Variants in RBCK1 observed in about 807,000 individuals in gnomAD.
RBCK1 encodes the protein RANBP2-type and C3HC4-type zinc finger containing 1, also known as ranBP-type and C3HC4-type zinc finger-containing protein 1.
RBCK1 carries 44 observed loss-of-function variants against 71.1 expected under a neutral mutation model. The ratio of observed to expected loss-of-function variants is 0.62; its 90% CI spans 0.49 to 0.80. The LOEUF (loss-of-function observed/expected upper bound fraction) is 0.80, where lower values mean the gene tolerates loss of function less well. RBCK1 is among the 30% of genes least tolerant of loss of function. The pLI is 0.00. For missense variants in RBCK1, 569 were observed against 685.0 expected (o/e 0.83, Z 1.89); for synonymous variants, 306 against 279.7 (o/e 1.09, Z -0.94).
At chr20:419,938 C>G in intron 6 of RBCK1, 1 of 984,998 alleles carries the variant, frequency 1.0e-6, no homozygotes, top group Non-Finnish European at 1.2e-6. Flanking sequence ...GGCTGAGACC[C>G]GCTCCCTGGC....
chr20:427,354 C>A lies in RBCK1; in HGVS notation c.1071C>A (p.Gly357=), dbSNP rs1334668672. 1 of 1,614,040 alleles carries A rather than the reference C, an allele frequency of 6.2e-7. No homozygotes were observed. ...ATTACCAGCGATTTCTAGACCTGGG[C>A]ATCTCCATTGCTGAAAACCGCAGTG... ...PEDYQRFLDL[G]ISIAENRSAF... Residue 357 remains glycine (G), a synonymous_variant, in exon 9 of 12, where the codon GGC becomes GGA. Transcript: ENST00000356286.
chr20:413,397 G>C (rs1407430664), intron 2 of RBCK1, among the ~76,000 whole-genome samples: 1 of 152,012 alleles, frequency 6.6e-6, no homozygotes, highest in African/African-American at 2.4e-5. Flanking sequence ...ACAAAATATT[G>C]AGATATCTAC....
rs768525416 is a variant in RBCK1, at chr20:426,816, CTTTTTTTT to C, written c.1030-476_1030-469del. On this transcript the variant is annotated intron_variant, in intron 8 of 11. Transcript: ENST00000356286. ...TCACTTTCTTTTTACTTTTCTTTTC[CTTTTTTTT>C]TTTTTTTTTTTTTTTTTTTTAGCTA... 6.8e-3 allele frequency among the ~76,000 whole-genome samples: 647 copies of C among 95,462 alleles called. 13 individuals are homozygous for C. The highest frequency in any genetic ancestry group is 0.067 in the East Asian group (235 of 3,532). The allele number at this position is 95,462 out of a possible 152,430, so 62.6% of individuals were successfully genotyped here.
At chr20:420,589 G>A (rs1207175256) in intron 6 of RBCK1, 10 of 963,616 alleles carry the variant, frequency 1.0e-5, no homozygotes, top group African/African-American at 3.9e-5. Context: ...CTACCTGGCC[G>A]GCCTCCCCTC....
chr20:408,693 G>A lies in RBCK1; in HGVS notation c.-65G>A, dbSNP rs2015514304. ...TCCTGGTCTCCCGCCTCTCCCAGGC[G>A]ACCCGGAGGTAGCATTTCCCAGGAG... On this transcript the variant is annotated 5_prime_UTR_variant, in exon 1 of 12. Coordinates refer to ENST00000356286, the MANE Select transcript of RBCK1 (RefSeq NM_031229.4). 1 of 1,600,338 alleles carries A rather than the reference G, an allele frequency of 6.2e-7. No individual in the cohort carries two copies. Among genetic ancestry groups the A allele is most frequent in the Non-Finnish European group, 8.5e-7 (1 of 1,174,478 alleles).
chr20:418,811 C>T (rs981264161), intron 4 of RBCK1, among the ~76,000 whole-genome samples: 6 of 152,178 alleles, frequency 3.9e-5, no homozygotes, highest in African/African-American at 9.7e-5. Context: ...CATTTTCTTA[C>T]ATTACTGGGT....
At chr20:419,863 GA>G (rs1568558483) in intron 6 of RBCK1, 132 bp downstream of exon 6, 1 of 383,890 alleles carries the variant, frequency 2.6e-6, no homozygotes, top group East Asian at 8.4e-5. Flanking sequence ...TGCTGGCAGT[GA>G]CCCTGCACCT....
intron 8 of RBCK1, among the ~76,000 whole-genome samples, chr20:425,494 C>A (rs1465462132): frequency 1.3e-5 from 2 of 152,062 alleles, no homozygotes; most frequent in African/African-American, 4.8e-5. Flanking sequence ...ATCGCTTTAG[C>A]TTTTGTTATT....
At chr20:412,320 TTTATC>T (rs940414443) in intron 2 of RBCK1, among the ~76,000 whole-genome samples, 1 of 149,086 alleles carries the variant, frequency 6.7e-6, no homozygotes, top group African/African-American at 2.5e-5. Context: ...TAAAATTGGG[TTTATC>T]TTTTTTTTTT....
rs757924227 is a variant in RBCK1, at chr20:428,592, G to A, written c.1308+3G>A. On this transcript the variant is annotated splice_donor_region_variant and intron_variant, in intron 10 of 11. Coordinates refer to ENST00000356286, the MANE Select transcript of RBCK1 (RefSeq NM_031229.4). This position sits in a 1 kb window ranked among gnomAD's most constrained non-coding sequence, Gnocchi z 5.7. The stretch of plus-strand genomic sequence containing the variant: ...GGCAGACGACAGAGATGCTGAAGGT[G>A]AGGCTGGGACAGGGCCGAGGCCTAG... The A allele has an allele frequency of 6.2e-6, 10 of 1,608,830 alleles. No individual in the cohort carries two copies. The Admixed American group carries it at 6.8e-5, about 11-fold the overall frequency.
chr20:418,154 G>A (rs914509847), intron 4 of RBCK1, among the ~76,000 whole-genome samples: 1 of 152,188 alleles, frequency 6.6e-6, no homozygotes, highest in African/African-American at 2.4e-5. Flanking sequence ...TCCAGGCTCC[G>A]GCATTCCCAG....
chr20:410,741 A>G, intron 2 of RBCK1: 1 of 506,700 alleles, frequency 2.0e-6, no homozygotes, highest in Non-Finnish European at 3.5e-6. Flanking sequence ...TGCACTCAAT[A>G]ATAAACATTA....
Position 428,614 on chromosome 20 carries a change from C to T in RBCK1, c.1308+25C>T, listed in dbSNP as rs770406471. 9 of 1,583,314 alleles carry T rather than the reference C, an allele frequency of 5.7e-6. No homozygotes were observed. In the East Asian group the frequency reaches 1.6e-4, roughly 28 times the overall value. On this transcript the variant is annotated intron_variant, in intron 10 of 11. Coordinates refer to ENST00000356286, the MANE Select transcript of RBCK1 (RefSeq NM_031229.4). This position sits in a 1 kb window ranked among gnomAD's most constrained non-coding sequence, Gnocchi z 5.7. ...GGTGAGGCTGGGACAGGGCCGAGGC[C>T]TAGGGATTTTAAGTTCTGGGATCCA...
Position 430,623 on chromosome 20 carries a change from C to A in RBCK1, c.*193C>A. 1.6e-6 allele frequency: 1 copy of A among 620,192 alleles called. No individual in the cohort carries two copies. The highest frequency in any genetic ancestry group is 2.9e-6 in the Non-Finnish European group (1 of 349,578). The allele number at this position is 620,192 out of a possible 1,614,324, so 38.4% of individuals were successfully genotyped here. On this transcript the variant is annotated 3_prime_UTR_variant, in exon 12 of 12. Transcript: ENST00000356286. The surrounding 1 kb of genome is among the most constrained non-coding windows in gnomAD (Gnocchi z 5.6). Reference sequence around the variant, plus strand: ...TGGGGCTTGCCGGCCAGACTTCTCTCCCCTGCGGCTCCCACCTCTGCCTGA... The same window carrying A: ...TGGGGCTTGCCGGCCAGACTTCTCTACCCTGCGGCTCCCACCTCTGCCTGA...
Position 419,834 on chromosome 20 carries a change from T to G in RBCK1, c.756+103T>G, listed in dbSNP as rs144186082. 1,215 of 1,452,010 alleles carry G rather than the reference T, an allele frequency of 8.4e-4. 12 individuals carry two copies. The African/African-American group carries it at 0.014, about 16-fold the overall frequency. 89.9% of individuals were successfully genotyped at this position (1,452,010 alleles called of 1,614,324 possible). A position where few individuals can be genotyped will look rare whatever the true frequency, so the allele number is the denominator to read the frequency against. On this transcript the variant is annotated intron_variant, in intron 6 of 11. Coordinates refer to ENST00000356286, the MANE Select transcript of RBCK1 (RefSeq NM_031229.4). Reference sequence around the variant, plus strand: ...ACTGCCGCGCCTCTCCGTTACTGCCTTGCCCCTCCCAACCATGCTGCTGGC... The same window carrying G: ...ACTGCCGCGCCTCTCCGTTACTGCCGTGCCCCTCCCAACCATGCTGCTGGC...
rs530612161 is a variant in RBCK1, at chr20:412,721, CTCTCAT to C, written c.167+2700_167+2705del. On this transcript the variant is annotated intron_variant, in intron 2 of 11. Coordinates refer to ENST00000356286, the MANE Select transcript of RBCK1 (RefSeq NM_031229.4). The stretch of plus-strand genomic sequence containing the variant: ...CAGCTACATGATTTGCAAAAATTTT[CTCTCAT>C]TCTGTGGATTGTCTTCTCACTTTGT... Among the ~76,000 whole-genome samples the C allele has an allele frequency of 2.8e-3, 426 of 152,308 alleles. 4 individuals carry two copies. Among genetic ancestry groups the C allele is most frequent in the African/African-American group, 9.6e-3 (400 of 41,566 alleles).
intron 2 of RBCK1, among the ~76,000 whole-genome samples, chr20:415,957 C>T (rs1000535374): frequency 3.3e-5 from 5 of 152,136 alleles, no homozygotes; most frequent in Non-Finnish European, 5.9e-5. Flanking sequence ...CTACAGTGAG[C>T]GCAGCACCAG....
chr20:420,948 G>C lies in RBCK1; in HGVS notation c.834G>C (p.Glu278Asp). 1 of 1,555,736 alleles carries C rather than the reference G, an allele frequency of 6.4e-7. No homozygotes were observed. Among genetic ancestry groups the C allele is most frequent in the Admixed American group, 1.9e-5 (1 of 51,808 alleles). ...LDQRSLVLNT[E>D]PAECPVCYSV... Reference sequence around the variant, plus strand: ...AGAGGAGCCTGGTGCTGAACACGGAGCCCGCCGAGTGCCCCGTGTGCTACT... The same window carrying C: ...AGAGGAGCCTGGTGCTGAACACGGACCCCGCCGAGTGCCCCGTGTGCTACT... The change falls in exon 7 of 12, where the codon GAG becomes GAC. Residue 278 changes from glutamate to aspartate, a missense_variant. Around this residue, in one of 2 missense-constraint regions of RBCK1, gnomAD observed 358 missense variants for 375.6 expected, o/e 0.95. Coordinates refer to ENST00000356286, the MANE Select transcript of RBCK1 (RefSeq NM_031229.4).
In RBCK1 at chr20:408,702, G is replaced by C; in HGVS notation, c.-56G>C. The C allele has an allele frequency of 6.2e-7, 1 of 1,606,996 alleles. No homozygotes were observed. The highest frequency in any genetic ancestry group is 8.5e-7 in the Non-Finnish European group (1 of 1,177,706). On this transcript the variant is annotated 5_prime_UTR_variant, in exon 1 of 12. Coordinates refer to ENST00000356286, the MANE Select transcript of RBCK1 (RefSeq NM_031229.4). ...CCCGCCTCTCCCAGGCGACCCGGAG[G>C]TAGCATTTCCCAGGAGGCACGGTCC...
Sources: gnomAD v4.1 joint callset for allele counts (sites outside exome capture counted in the v4.1 genomes callset) on GRCh38, gnomAD v4.1.1 for gene constraint, gnomAD v4.1.1 regional missense constraint, Gnocchi (gnomAD v3.1) non-coding constraint, MANE v1.5 for transcripts, NCBI Gene and HGNC (gene_info 2026-07-23, HGNC 2026-07-21) for gene names.